The following RIT2 variants were observed in gnomAD, a reference collection of about 807,000 sequenced individuals.
The protein encoded by RIT2 is Ras like without CAAX 2.
A neutral mutation model predicts 23.7 loss-of-function variants in RIT2; 24 were observed. The ratio of observed to expected loss-of-function variants is 1.01; its 90% CI spans 0.73 to 1.43. The LOEUF is 1.43. RIT2 is among the 40% of genes most tolerant of loss of function. The pLI is 0.00. For missense variants in RIT2, 236 were observed against 266.9 expected, an observed-to-expected ratio of 0.88 and a Z score of 0.81; for synonymous variants, 107 against 91.1, an observed-to-expected ratio of 1.17 and a Z score of -0.99.
chr18:43,024,924 C>G (rs1911677314), intron 2 of RIT2, among the ~76,000 whole-genome samples: 1 of 151,844 alleles, frequency 6.6e-6, no homozygotes, highest in Admixed American at 6.6e-5. Flanking sequence ...AACAAGCCAA[C>G]AGGCCGGGTG....
chr18:42,857,389 T>A (rs2144044777), intron 4 of RIT2, among the ~76,000 whole-genome samples: 1 of 152,356 alleles, frequency 6.6e-6, no homozygotes, highest in East Asian at 1.9e-4. Flanking sequence ...CACACATTTA[T>A]GGACAACAGC....
chr18:42,796,152 A>C (rs901662764), intron 4 of RIT2, among the ~76,000 whole-genome samples: 2 of 152,050 alleles, frequency 1.3e-5, no homozygotes, highest in African/African-American at 4.8e-5. Context: ...TTGGGTCCAC[A>C]CTGCTTTTAT....
intron 4 of RIT2, among the ~76,000 whole-genome samples, chr18:42,798,767 C>A (rs551275424): frequency 6.6e-6 from 1 of 152,196 alleles, no homozygotes; most frequent in African/African-American, 2.4e-5. Flanking sequence ...CCACTGATTT[C>A]CAGACAATTG....
At chr18:42,957,767 G>A (rs2144181911) in intron 3 of RIT2, among the ~76,000 whole-genome samples, 1 of 152,234 alleles carries the variant, frequency 6.6e-6, no homozygotes, top group African/African-American at 2.4e-5. Context: ...CTAGGCAACA[G>A]AGTGAGACTT....
intron 1 of RIT2, among the ~76,000 whole-genome samples, chr18:43,095,531 A>T (rs934548677): frequency 1.3e-5 from 2 of 152,150 alleles, no homozygotes; most frequent in South Asian, 2.1e-4. Context: ...AAAATAAAAC[A>T]TAGACAAGTA....
At chr18:43,094,641 A>T (rs1913507967) in intron 1 of RIT2, among the ~76,000 whole-genome samples, 1 of 152,076 alleles carries the variant, frequency 6.6e-6, no homozygotes, top group African/African-American at 2.4e-5. Context: ...TTATGGAATG[A>T]TATATGAAAA....
chr18:43,090,640 G>A (rs1250938302), intron 1 of RIT2, among the ~76,000 whole-genome samples: 1 of 152,048 alleles, frequency 6.6e-6, no homozygotes, highest in Non-Finnish European at 1.5e-5. Context: ...CGGTAGACTG[G>A]ATAAAGAGAT....
intron 4 of RIT2, among the ~76,000 whole-genome samples, chr18:42,790,554 G>A (rs1914020044): frequency 6.6e-6 from 1 of 152,092 alleles, no homozygotes; most frequent in Non-Finnish European, 1.5e-5. Flanking sequence ...GCAGCCTACC[G>A]AGTAGCTGGA....
intron 1 of RIT2, among the ~76,000 whole-genome samples, chr18:43,078,784 A>C (rs1348237976): frequency 6.6e-6 from 1 of 152,140 alleles, no homozygotes; most frequent in Non-Finnish European, 1.5e-5. Context: ...TATCTTTCTT[A>C]ATCTTCTTCT....
intron 3 of RIT2, among the ~76,000 whole-genome samples, chr18:42,963,615 G>A (rs776891371): frequency 2.0e-5 from 3 of 152,148 alleles, no homozygotes; most frequent in East Asian, 1.9e-4. Context: ...AATCCTGGCC[G>A]GGCTTGGTGG....
chr18:42,845,404 T>A (rs1341515957), intron 4 of RIT2, among the ~76,000 whole-genome samples: 1 of 150,752 alleles, frequency 6.6e-6, no homozygotes, highest in African/African-American at 2.4e-5. Context: ...TATATATGTA[T>A]AAATTTTCTA....
intron 2 of RIT2, among the ~76,000 whole-genome samples, chr18:42,992,576 G>T (rs1910878513): frequency 6.6e-6 from 1 of 151,758 alleles, no homozygotes. Context: ...TTCTTTCTCA[G>T]CCTCCTCCGA....
intron 4 of RIT2, among the ~76,000 whole-genome samples, chr18:42,826,686 T>G (rs1906306563): frequency 6.6e-6 from 1 of 152,120 alleles, no homozygotes; most frequent in Non-Finnish European, 1.5e-5. Context: ...AAAAATGTTA[T>G]TTACTGACAA....
chr18:42,927,611 C>A (rs1355874169), intron 3 of RIT2, among the ~76,000 whole-genome samples: 1 of 151,938 alleles, frequency 6.6e-6, no homozygotes, highest in Non-Finnish European at 1.5e-5. Flanking sequence ...ATGTTAATAT[C>A]TTCTTCATTT....
intron 4 of RIT2, among the ~76,000 whole-genome samples, chr18:42,874,614 C>T (rs963553574): frequency 6.6e-6 from 1 of 152,110 alleles, no homozygotes; most frequent in African/African-American, 2.4e-5. Flanking sequence ...CAGCTGTGCA[C>T]TGTGAAACCA....
At chr18:43,013,398 T>A (rs1911397024) in intron 2 of RIT2, among the ~76,000 whole-genome samples, 1 of 151,836 alleles carries the variant, frequency 6.6e-6, no homozygotes, top group Non-Finnish European at 1.5e-5. Flanking sequence ...TGTCCAGGAA[T>A]CGTGACTGAG....
chr18:42,804,151 G>C (rs1905612844), intron 4 of RIT2, among the ~76,000 whole-genome samples: 1 of 152,086 alleles, frequency 6.6e-6, no homozygotes, highest in Non-Finnish European at 1.5e-5. Context: ...ATGTCCCAAG[G>C]GAAGTTTTTA....
At chr18:42,770,148 T>A (rs1220424909) in intron 4 of RIT2, among the ~76,000 whole-genome samples, 5 of 152,068 alleles carry the variant, frequency 3.3e-5, no homozygotes, top group Non-Finnish European at 5.9e-5. Flanking sequence ...GAATACGGAA[T>A]TGTCCTGTGG....
chr18:42,915,290 A>C (rs1395279717), intron 4 of RIT2, among the ~76,000 whole-genome samples: 1 of 152,040 alleles, frequency 6.6e-6, no homozygotes, highest in Non-Finnish European at 1.5e-5. Context: ...GGGAAAGGGT[A>C]TAGAGACCTG....
Sources: gnomAD v4.1 joint callset for allele counts (sites outside exome capture counted in the v4.1 genomes callset) on GRCh38, gnomAD v4.1.1 for gene constraint, MANE v1.5 for transcripts, NCBI Gene and HGNC (gene_info 2026-07-23, HGNC 2026-07-21) for gene names.